The following IL1RAPL1 variants were observed in gnomAD, a reference collection of about 807,000 sequenced individuals.
IL1RAPL1 encodes the protein interleukin-1 receptor accessory protein-like 1.
IL1RAPL1 carries 3 observed loss-of-function variants against 48.4 expected under a neutral mutation model. That is an observed-to-expected ratio of 0.06 (90% CI 0.03 to 0.16). The LOEUF (loss-of-function observed/expected upper bound fraction) is 0.16, where lower values mean the gene tolerates loss of function less well. IL1RAPL1 is among the 10% of genes least tolerant of loss of function. IL1RAPL1 has a pLI of 1.00. For missense variants in IL1RAPL1, 349 were observed against 530.6 expected (o/e 0.66, Z 3.36); for synonymous variants, 185 against 187.7 (o/e 0.99, Z 0.12).
At chrX:29,224,226 G>T (rs1466015265) in intron 2 of IL1RAPL1, among the ~76,000 whole-genome samples, 1 of 110,919 alleles carries the variant, frequency 9.0e-6, no homozygotes, top group East Asian at 2.8e-4. Context: ...CATTTAGTAA[G>T]GTGGTACTCT....
intron 1 of IL1RAPL1, among the ~76,000 whole-genome samples, chrX:28,595,252 G>GGT (rs372213711): frequency 0.015 from 1,636 of 111,542 alleles, 26 homozygotes; most frequent in African/African-American, 0.05. Flanking sequence ...AGATACAGCT[G>GGT]GTGTGTGTGT....
At chrX:29,312,742 T>A (rs189224320) in intron 3 of IL1RAPL1, among the ~76,000 whole-genome samples, 82 of 111,724 alleles carry the variant, frequency 7.3e-4, no homozygotes, top group Non-Finnish European at 1.4e-3. Flanking sequence ...CTAGATCTCA[T>A]CTTGAACTGT....
chrX:29,605,127 CGGAG>C (rs1415849370), intron 5 of IL1RAPL1, among the ~76,000 whole-genome samples: 1 of 74,287 alleles, frequency 1.3e-5, no homozygotes, highest in Non-Finnish European at 2.6e-5. Context: ...CACACACACA[CGGAG>C]GGAGGGAGGG....
intron 2 of IL1RAPL1, among the ~76,000 whole-genome samples, chrX:29,132,470 G>A (rs1929042526): frequency 8.9e-6 from 1 of 112,092 alleles, no homozygotes; most frequent in South Asian, 3.7e-4. Context: ...GTCAGATGCA[G>A]TACTGGTTTG....
At chrX:29,437,870 G>A (rs771411300) in intron 5 of IL1RAPL1, among the ~76,000 whole-genome samples, 28 of 110,311 alleles carry the variant, frequency 2.5e-4, no homozygotes, top group Non-Finnish European at 5.0e-4. Flanking sequence ...GGTGTTTGAC[G>A]TCAGATTAAT....
intron 5 of IL1RAPL1, among the ~76,000 whole-genome samples, chrX:29,423,979 G>C (rs1456094732): frequency 1.8e-5 from 2 of 111,565 alleles, no homozygotes; most frequent in African/African-American, 3.3e-5. Flanking sequence ...GGATGAATCA[G>C]GCAGAGACCT....
intron 2 of IL1RAPL1, among the ~76,000 whole-genome samples, chrX:28,952,583 A>G (rs1924499523): frequency 9.0e-6 from 1 of 111,189 alleles, no homozygotes; most frequent in Admixed American, 9.6e-5. Context: ...TTTTTTTCCA[A>G]TTGAAGAAAA....
intron 5 of IL1RAPL1, among the ~76,000 whole-genome samples, chrX:29,409,144 A>C (rs1202440574): frequency 1.8e-5 from 2 of 112,087 alleles, no homozygotes; most frequent in African/African-American, 3.2e-5. Flanking sequence ...GCTTTCACTG[A>C]CTACAGCCTA....
chrX:29,461,412 T>C (rs996610676), intron 5 of IL1RAPL1, among the ~76,000 whole-genome samples: 2 of 111,782 alleles, frequency 1.8e-5, no homozygotes, highest in Non-Finnish European at 3.8e-5. Context: ...ATATACTATA[T>C]ACGTAACTAT....
intron 1 of IL1RAPL1, among the ~76,000 whole-genome samples, chrX:28,604,746 T>C (rs2146880413): frequency 9.1e-6 from 1 of 109,507 alleles, no homozygotes; most frequent in East Asian, 2.9e-4. Context: ...AAAAAGGTAT[T>C]TGTTAAGCAT....
intron 8 of IL1RAPL1, among the ~76,000 whole-genome samples, chrX:29,933,506 G>T (rs867958938): frequency 9.0e-6 from 1 of 110,508 alleles, no homozygotes; most frequent in Non-Finnish European, 1.9e-5. Flanking sequence ...TGGAATTTTA[G>T]AATAGAAACA....
intron 2 of IL1RAPL1, among the ~76,000 whole-genome samples, chrX:29,206,241 G>GT (rs1930663252): frequency 9.1e-6 from 1 of 110,430 alleles, no homozygotes; most frequent in African/African-American, 3.3e-5. Context: ...TTTATTTTGT[G>GT]TATGTATAGG....
chrX:29,145,200 A>C, intron 2 of IL1RAPL1, among the ~76,000 whole-genome samples: 1 of 112,114 alleles, frequency 8.9e-6, no homozygotes, highest in Middle Eastern at 4.6e-3. Flanking sequence ...TATTTCTGAA[A>C]ATCAGTAAAG....
rs144340204 is a variant in IL1RAPL1 at position 29,433,293 on chromosome X, T to C, written c.703+33985T>C. ...CTTCCAGAGATCTTTCTAACCATAT[T>C]TTATGTGCTTTTAAAATTTGTTTTT... On this transcript the variant is annotated intron_variant, in intron 5 of 10. Coordinates refer to ENST00000378993, the MANE Select transcript of IL1RAPL1 (RefSeq NM_014271.4). 2.8e-4 allele frequency among the ~76,000 whole-genome samples: 31 copies of C among 111,073 alleles called. No homozygotes were observed. In the East Asian group the frequency reaches 7.3e-3, roughly 26 times the overall value.
intron 2 of IL1RAPL1, among the ~76,000 whole-genome samples, chrX:29,147,645 T>A (rs1024261718): frequency 8.9e-6 from 1 of 112,072 alleles, no homozygotes; most frequent in African/African-American, 3.2e-5. Flanking sequence ...ATCATTGTTA[T>A]GTTTTCTTGC....
chrX:29,434,974 T>TAAACCCCACACC (rs1934465781), intron 5 of IL1RAPL1, among the ~76,000 whole-genome samples: 1 of 111,197 alleles, frequency 9.0e-6, no homozygotes, highest in Middle Eastern at 4.2e-3. Flanking sequence ...ATTCTGCCTC[T>TAAACCCCACACC]TCTACCTCCT....
intron 5 of IL1RAPL1, among the ~76,000 whole-genome samples, chrX:29,490,231 A>G (rs1365205044): frequency 1.8e-5 from 2 of 111,746 alleles, no homozygotes; most frequent in Admixed American, 1.9e-4. Context: ...AAAAGCCATA[A>G]AAAGGTAATT....
Position 29,210,336 on chromosome X carries a change from A to G in IL1RAPL1, c.83-72602A>G, listed in dbSNP as rs1179550347. Among the ~76,000 whole-genome samples, 5 of 111,806 alleles carry G rather than the reference A, an allele frequency of 4.5e-5. No individual in the cohort carries two copies. The East Asian group carries it at 8.4e-4, about 19-fold the overall frequency. On this transcript the variant is annotated intron_variant, in intron 2 of 10. Transcript: ENST00000378993. Reference sequence around the variant, plus strand: ...TTATATTTTGGGAAGTTGGCATAATATAAATCGTGACGCTCTTCTGATAGA... The same window carrying G: ...TTATATTTTGGGAAGTTGGCATAATGTAAATCGTGACGCTCTTCTGATAGA...
intron 4 of IL1RAPL1, among the ~76,000 whole-genome samples, chrX:29,397,100 C>G: frequency 8.9e-6 from 1 of 112,048 alleles, no homozygotes; most frequent in East Asian, 2.8e-4. Context: ...TAATTTTAAG[C>G]TTGTTTATAC....
Sources: allele counts gnomAD v4.1 joint callset (sites outside exome capture counted in the v4.1 genomes callset), GRCh38; gene constraint gnomAD v4.1.1; transcripts MANE v1.5; gene names NCBI Gene and HGNC (gene_info 2026-07-23, HGNC 2026-07-21).